Variants in CNTNAP4 observed in about 807,000 individuals in gnomAD.
CNTNAP4 encodes contactin associated protein family member 4.
Under a neutral mutation model 148.4 loss-of-function variants are expected in CNTNAP4, and 98 were observed. That is an observed-to-expected ratio of 0.66 (90% CI 0.56 to 0.78). CNTNAP4 has a LOEUF of 0.78. Among genes scored for constraint, CNTNAP4 ranks in the 30% least tolerant of loss-of-function variants. The probability of loss-of-function intolerance (pLI) is 0.00; values close to 1 mark genes in which losing one functional copy is unlikely to be tolerated. For synonymous variants in CNTNAP4, 730 were observed against 565.1 expected, an observed-to-expected ratio of 1.29 and a Z score of -4.14; for missense variants, 1,935 against 1,565.6, an observed-to-expected ratio of 1.24 and a Z score of -3.98.
chr16:76,444,664 G>A (rs1369671122), intron 4 of CNTNAP4, among the ~76,000 whole-genome samples: 1 of 152,026 alleles, frequency 6.6e-6, no homozygotes, highest in Non-Finnish European at 1.5e-5. Flanking sequence ...TATATCAAAT[G>A]GGTGCAAATA....
chr16:76,521,371 C>G (rs1167309095), intron 16 of CNTNAP4, 61 bp downstream of exon 16: 14 of 1,404,326 alleles, frequency 1.0e-5, no homozygotes, highest in Non-Finnish European at 1.3e-5. Context: ...AATCTTTTAA[C>G]TAATTTTTAA....
chr16:76,523,997 A>G (rs2083602866), intron 17 of CNTNAP4, among the ~76,000 whole-genome samples: 1 of 152,208 alleles, frequency 6.6e-6, no homozygotes, highest in Non-Finnish European at 1.5e-5. Flanking sequence ...AAATTTGATC[A>G]GATCCCCATT....
At chr16:76,540,215 G>C (rs2084390455) in intron 20 of CNTNAP4, among the ~76,000 whole-genome samples, 1 of 152,066 alleles carries the variant, frequency 6.6e-6, no homozygotes, top group African/African-American at 2.4e-5. Flanking sequence ...TTTTGTTAAT[G>C]ATATGAGTCA....
chr16:76,438,672 C>T (rs1597540535), intron 4 of CNTNAP4, among the ~76,000 whole-genome samples: 1 of 152,066 alleles, frequency 6.6e-6, no homozygotes, highest in Admixed American at 6.6e-5. Context: ...CAGTGCCATC[C>T]AGCTCGCCAC....
chr16:76,474,801 G>A lies in CNTNAP4; in HGVS notation c.1656-1138G>A, dbSNP rs185655398. 2.8e-3 allele frequency among the ~76,000 whole-genome samples: 420 copies of A among 152,096 alleles called. 1 individual carries two copies. The highest frequency in any genetic ancestry group is 7.8e-3 in the African/African-American group (323 of 41,476). ...TGTGCTGCTAACCCAAAAGACTTTC[G>A]TAACACTAGCAATGTATCCCTAACC... On this transcript the variant is annotated intron_variant, in intron 10 of 23. Coordinates refer to ENST00000611870, the MANE Select transcript of CNTNAP4 (RefSeq NM_033401.5).
chr16:76,292,486 C>T lies in CNTNAP4; in HGVS notation c.85+14739C>T, dbSNP rs1030661065. On this transcript the variant is annotated intron_variant, in intron 1 of 23. Coordinates refer to ENST00000611870, the MANE Select transcript of CNTNAP4 (RefSeq NM_033401.5). Reference sequence around the variant, plus strand: ...TCCAGCCCTCAGCGGCATTACCAATCTTCCCTACATGTGTTCCTCTCTGGA... The same window carrying T: ...TCCAGCCCTCAGCGGCATTACCAATTTTCCCTACATGTGTTCCTCTCTGGA... Among the ~76,000 whole-genome samples the T allele has an allele frequency of 6.6e-5, 10 of 152,174 alleles. No homozygotes were observed. The East Asian group carries it at 9.7e-4, about 15-fold the overall frequency.
intron 3 of CNTNAP4, among the ~76,000 whole-genome samples, chr16:76,400,886 C>T (rs1438135612): frequency 1.3e-5 from 2 of 152,018 alleles, no homozygotes; most frequent in African/African-American, 4.8e-5. Flanking sequence ...CTGTTCTGTT[C>T]CACTGGTCTA....
chr16:76,324,582 T>C (rs549605729), intron 2 of CNTNAP4, among the ~76,000 whole-genome samples: 1 of 152,264 alleles, frequency 6.6e-6, no homozygotes, highest in South Asian at 2.1e-4. Flanking sequence ...AGGGATAAAT[T>C]TTACCTTGGA....
chr16:76,467,550 C>A lies in CNTNAP4; in HGVS notation c.1655+27C>A, dbSNP rs542530193. On this transcript the variant is annotated intron_variant, in intron 10 of 23. Transcript: ENST00000611870. ...TAAGGGCAATCTCACTTCATTTTGA[C>A]CTGCTTTCAAACTTTGGCATCAGAT... 2.0e-5 allele frequency: 31 copies of A among 1,553,914 alleles called. No homozygotes were observed. In the African/African-American group the frequency reaches 3.9e-4, roughly 19 times the overall value.
chr16:76,420,274 G>GAATAATGTATATTCTATAGA (rs2079139706), intron 3 of CNTNAP4, among the ~76,000 whole-genome samples: 1 of 73,096 alleles, frequency 1.4e-5, no homozygotes, highest in Non-Finnish European at 3.7e-5. Context: ...TATTCTATAG[G>GAATAATGTATATTCTATAGA]AGATAAATAT....
At chr16:76,489,482 T>G (rs922279819) in intron 12 of CNTNAP4, among the ~76,000 whole-genome samples, 4 of 152,218 alleles carry the variant, frequency 2.6e-5, no homozygotes, top group Admixed American at 2.6e-4. Context: ...TGCATGGCAA[T>G]AGTATATATT....
intron 23 of CNTNAP4, among the ~76,000 whole-genome samples, chr16:76,555,660 T>G (rs1365372110): frequency 6.6e-6 from 1 of 152,220 alleles, no homozygotes; most frequent in African/African-American, 2.4e-5. Context: ...GTTGTTTTGC[T>G]CAAACATCAT....
intron 3 of CNTNAP4, among the ~76,000 whole-genome samples, chr16:76,415,539 A>G (rs1568072843): frequency 1.3e-5 from 2 of 151,208 alleles, no homozygotes; most frequent in African/African-American, 2.4e-5. Flanking sequence ...AATACTATTT[A>G]TTACCTTTGA....
intron 13 of CNTNAP4, among the ~76,000 whole-genome samples, 184 bp downstream of exon 13, chr16:76,490,067 C>T (rs955731021): frequency 6.6e-6 from 1 of 152,150 alleles, no homozygotes; most frequent in South Asian, 2.1e-4. Flanking sequence ...AAGAAAAGAA[C>T]AAGGTCAATT....
chr16:76,305,677 T>C (rs1296458245), intron 1 of CNTNAP4, among the ~76,000 whole-genome samples: 2 of 151,952 alleles, frequency 1.3e-5, no homozygotes, highest in South Asian at 2.1e-4. Flanking sequence ...CCATCATTCG[T>C]TTTTGTTGTT....
At chr16:76,467,639 G>A (rs972833761) in intron 10 of CNTNAP4, 116 bp downstream of exon 10, 1 of 849,920 alleles carries the variant, frequency 1.2e-6, no homozygotes, top group Non-Finnish European at 1.8e-6. Flanking sequence ...TGTTCCACAG[G>A]AAATGAATTA....
chr16:76,406,349 A>G (rs183027827), intron 3 of CNTNAP4, among the ~76,000 whole-genome samples: 2 of 151,928 alleles, frequency 1.3e-5, no homozygotes, highest in East Asian at 1.9e-4. Flanking sequence ...CTGTTCCCGC[A>G]TCTCTCTCTC....
chr16:76,485,117 T>C (rs2081981437), intron 12 of CNTNAP4, among the ~76,000 whole-genome samples: 1 of 152,162 alleles, frequency 6.6e-6, no homozygotes, highest in African/African-American at 2.4e-5. Flanking sequence ...TTCTTTTCTT[T>C]TCTTTTTTTC....
intron 3 of CNTNAP4, 92 bp from the exon 4 acceptor site, chr16:76,427,360 C>A: frequency 2.0e-6 from 2 of 1,015,438 alleles, no homozygotes; most frequent in Non-Finnish European, 1.4e-6. Flanking sequence ...TAGTAAAATG[C>A]AGATCACACA....
Sources: gnomAD v4.1 joint callset for allele counts (sites outside exome capture counted in the v4.1 genomes callset) on GRCh38, gnomAD v4.1.1 for gene constraint, MANE v1.5 for transcripts, NCBI Gene and HGNC (gene_info 2026-07-23, HGNC 2026-07-21) for gene names.